The following GALK2 variants were observed in gnomAD, a reference collection of about 807,000 sequenced individuals.
The protein encoded by GALK2 is N-acetylgalactosamine kinase.
GALK2 carries 36 observed loss-of-function variants against 52.4 expected under a neutral mutation model. The observed-to-expected ratio is 0.69, with a 90% confidence interval of 0.53 to 0.91. The LOEUF (loss-of-function observed/expected upper bound fraction) is 0.91. Among genes scored for constraint, GALK2 ranks in the 40% least tolerant of loss-of-function variants. GALK2 has a pLI of 0.00. For missense variants in GALK2, 579 were observed against 559.1 expected (o/e 1.04, Z -0.36); for synonymous variants, 176 against 199.1 (o/e 0.88, Z 0.98).
intron 3 of GALK2, chr15:49,365,186 T>C: frequency 2.5e-6 from 2 of 788,272 alleles, no homozygotes; most frequent in Admixed American, 3.7e-5. Context: ...ATAATACAGA[T>C]GGTCCATCAT....
At chr15:49,183,133 T>C (rs2086095613) in intron 1 of GALK2, among the ~76,000 whole-genome samples, 1 of 152,186 alleles carries the variant, frequency 6.6e-6, no homozygotes, top group Non-Finnish European at 1.5e-5. Flanking sequence ...TCCTTTTGTT[T>C]ATCTTCTGTA....
chr15:49,345,433 T>G (rs1199057840), intron 3 of GALK2, among the ~76,000 whole-genome samples: 1 of 152,228 alleles, frequency 6.6e-6, no homozygotes, highest in African/African-American at 2.4e-5. Context: ...TGGTTTTCAG[T>G]AGATTTCTGT....
intron 7 of GALK2, among the ~76,000 whole-genome samples, chr15:49,287,878 T>C (rs918892336): frequency 6.6e-6 from 1 of 152,168 alleles, no homozygotes; most frequent in East Asian, 1.9e-4. Context: ...GTAAAGACAA[T>C]TTTTCTTTGT....
At chr15:49,162,613 A>G (rs1678115194) in intron 1 of GALK2, among the ~76,000 whole-genome samples, 1 of 152,182 alleles carries the variant, frequency 6.6e-6, no homozygotes, top group Admixed American at 6.5e-5. Flanking sequence ...AGCAAAGGTG[A>G]TATACGTGAT....
chr15:49,289,803 T>G (rs2033752994), intron 7 of GALK2, among the ~76,000 whole-genome samples: 2 of 152,260 alleles, frequency 1.3e-5, no homozygotes, highest in East Asian at 1.9e-4. Flanking sequence ...CCCTCAAATT[T>G]TTGTCACAGG....
chr15:49,293,693 T>C (rs1231516316), intron 8 of GALK2, among the ~76,000 whole-genome samples: 1 of 152,198 alleles, frequency 6.6e-6, no homozygotes, highest in African/African-American at 2.4e-5. Context: ...CCTCTAAGAA[T>C]AATCTGTATA....
intron 3 of GALK2, chr15:49,226,691 C>G (rs535869174): frequency 2.0e-5 from 3 of 152,082 alleles, no homozygotes; most frequent in South Asian, 4.1e-4. Context: ...TATTTGAACT[C>G]TTTCTTTCTA....
In GALK2 at chr15:49,217,342, GTA is replaced by G; in HGVS notation, c.266+31_266+32del. The G allele has an allele frequency of 1.9e-6, 3 of 1,609,920 alleles. No homozygotes were observed. In the Admixed American group the frequency reaches 5.0e-5, roughly 27 times the overall value. On this transcript the variant is annotated intron_variant, in intron 3 of 9. Coordinates refer to ENST00000560031, the MANE Select transcript of GALK2 (RefSeq NM_002044.4). ...AGTATTTAAAATTGTTAGTGTGTGT[GTA>G]TGTATGGTTCTGTTTGTACCCAAAT...
At chr15:49,262,442 A>AC (rs978600031) in intron 5 of GALK2, among the ~76,000 whole-genome samples, 2 of 151,804 alleles carry the variant, frequency 1.3e-5, no homozygotes. Flanking sequence ...TATTGCGTCT[A>AC]TTGATTCTTC....
intron 5 of GALK2, among the ~76,000 whole-genome samples, chr15:49,252,700 G>A (rs12902271): frequency 8.4e-6 from 1 of 118,730 alleles, no homozygotes; most frequent in Non-Finnish European, 1.9e-5. Context: ...ATAAATCCCA[G>A]AACATAAAGT....
chr15:49,329,651 G>A lies in GALK2; in HGVS notation c.*1492G>A. The A allele has an allele frequency of 1.0e-6, 1 of 984,642 alleles. No individual in the cohort carries two copies. The highest frequency in any genetic ancestry group is 1.2e-6 in the Non-Finnish European group (1 of 829,270). The allele number at this position is 984,642 out of a possible 1,614,324, so 61.0% of individuals were successfully genotyped here. On this transcript the variant is annotated 3_prime_UTR_variant, in exon 10 of 10. Coordinates refer to ENST00000560031, the MANE Select transcript of GALK2 (RefSeq NM_002044.4). ...AAGGTAAATGCTTGAGAAAGCTTGA[G>A]TCAAATTTGTTAAAAGAATTTTGAG... is the stretch of plus-strand genomic sequence containing the variant.
At chr15:49,223,487 A>G (rs2089948149) in intron 3 of GALK2, among the ~76,000 whole-genome samples, 2 of 152,126 alleles carry the variant, frequency 1.3e-5, no homozygotes, top group Admixed American at 1.3e-4. Flanking sequence ...CCAGGTAGTT[A>G]GCATAGCAGC....
intron 5 of GALK2, among the ~76,000 whole-genome samples, chr15:49,270,179 G>C (rs1053007046): frequency 2.0e-5 from 3 of 152,134 alleles, no homozygotes; most frequent in Non-Finnish European, 2.9e-5. Context: ...AAAATATTCA[G>C]TAAGGTTAAT....
intron 3 of GALK2, among the ~76,000 whole-genome samples, chr15:49,230,879 G>T (rs980015005): frequency 6.6e-6 from 1 of 152,202 alleles, no homozygotes; most frequent in Non-Finnish European, 1.5e-5. Context: ...AATGGATAAT[G>T]TAATGCAGGG....
intron 3 of GALK2, among the ~76,000 whole-genome samples, chr15:49,337,948 A>G (rs1304781298): frequency 6.6e-6 from 1 of 152,218 alleles, no homozygotes. Context: ...TATTGTGAAC[A>G]CTGCCGCAAT....
At chr15:49,230,389 C>CA (rs2090435110) in intron 3 of GALK2, among the ~76,000 whole-genome samples, 1 of 152,204 alleles carries the variant, frequency 6.6e-6, no homozygotes, top group Non-Finnish European at 1.5e-5. Context: ...CCTTTACCCA[C>CA]GCTGAAGAGC....
intron 1 of GALK2, among the ~76,000 whole-genome samples, chr15:49,187,691 C>T (rs1168429130): frequency 6.6e-6 from 1 of 152,116 alleles, no homozygotes; most frequent in East Asian, 1.9e-4. Context: ...AGAAGTATTT[C>T]CCTGTAGCCA....
chr15:49,300,862 C>T (rs2035052780), intron 8 of GALK2, among the ~76,000 whole-genome samples: 1 of 152,168 alleles, frequency 6.6e-6, no homozygotes, highest in African/African-American at 2.4e-5. Flanking sequence ...TACTCAGTCT[C>T]AGGTATGTCC....
At chr15:49,355,146 A>T (rs527346406) in intron 3 of GALK2, among the ~76,000 whole-genome samples, 15 of 152,042 alleles carry the variant, frequency 9.9e-5, no homozygotes, top group African/African-American at 3.4e-4. Context: ...GGGAAAAAAC[A>T]GAACAGAAAA....
Sources: allele counts gnomAD v4.1 joint callset (sites outside exome capture counted in the v4.1 genomes callset), GRCh38; gene constraint gnomAD v4.1.1; transcripts MANE v1.5; gene names NCBI Gene and HGNC (gene_info 2026-07-23, HGNC 2026-07-21).